KAZN: variants seen among roughly 807,000 people sequenced by gnomAD.
The protein encoded by KAZN is kazrin.
A neutral mutation model predicts 87.4 loss-of-function variants in KAZN; 40 were observed. That is an observed-to-expected ratio of 0.46 (90% confidence interval 0.36 to 0.60). The LOEUF (loss-of-function observed/expected upper bound fraction) is 0.60, where lower values mean the gene tolerates loss of function less well. KAZN is among the 20% of genes least tolerant of loss of function. The pLI, the probability that KAZN is intolerant of heterozygous loss-of-function variation, is 0.00. For missense variants in KAZN, 898 were observed against 1,073.9 expected, an observed-to-expected ratio of 0.84 and a Z score of 2.29; for synonymous variants, 466 against 458.3, an observed-to-expected ratio of 1.02 and a Z score of -0.22.
intron 1 of KAZN, among the ~76,000 whole-genome samples, chr1:14,766,475 C>T (rs571334007): frequency 4.6e-5 from 7 of 151,880 alleles, no homozygotes; most frequent in Non-Finnish European, 1.0e-4. Context: ...GGCTGGCACA[C>T]TGCAGGAAGA....
chr1:14,364,963 G>C (rs1659847272), intron 2 of KAZN, among the ~76,000 whole-genome samples: 1 of 151,486 alleles, frequency 6.6e-6, no homozygotes, highest in African/African-American at 2.4e-5. Flanking sequence ...GGATGGTCTT[G>C]AACTCCTGGC....
chr1:14,598,891 G>A lies in KAZN; in HGVS notation c.-107G>A. On this transcript the variant is annotated 5_prime_UTR_variant, in exon 1 of 15. Coordinates refer to ENST00000376030, the MANE Select transcript of KAZN (RefSeq NM_201628.3). The surrounding 1 kb of genome is among the most constrained non-coding windows in gnomAD (Gnocchi z 4.2). ...GGGGGTCGGGGCGCGGGCGAAGCCG[G>A]GCCGCGGAGGACACAACAGGTAGAG... is the stretch of plus-strand genomic sequence containing the variant. 1 of 1,489,366 alleles carries A rather than the reference G, an allele frequency of 6.7e-7. No homozygotes were observed. Among genetic ancestry groups the A allele is most frequent in the Non-Finnish European group, 8.9e-7 (1 of 1,129,824 alleles). The allele number at this position is 1,489,366 out of a possible 1,614,324, so 92.3% of individuals were successfully genotyped here.
chr1:14,318,420 A>AT (rs1378399024), intron 2 of KAZN, among the ~76,000 whole-genome samples: 2 of 151,824 alleles, frequency 1.3e-5, no homozygotes, highest in Admixed American at 1.3e-4. Flanking sequence ...GATTCTTGTC[A>AT]TTTTTATCTT....
At chr1:14,088,559 T>A (rs1028755446) in intron 1 of KAZN, among the ~76,000 whole-genome samples, 3 of 152,014 alleles carry the variant, frequency 2.0e-5, no homozygotes, top group Non-Finnish European at 4.4e-5. Flanking sequence ...CAGAATACGA[T>A]CTATTTTGGT....
intron 2 of KAZN, among the ~76,000 whole-genome samples, chr1:14,507,452 A>G (rs1670643162): frequency 6.6e-6 from 1 of 152,220 alleles, no homozygotes; most frequent in African/African-American, 2.4e-5. Flanking sequence ...TATGGAAACA[A>G]AAGTTGCCAA....
chr1:14,794,204 C>T (rs1184507267), intron 1 of KAZN, among the ~76,000 whole-genome samples: 1 of 152,164 alleles, frequency 6.6e-6, no homozygotes, highest in African/African-American at 2.4e-5. Flanking sequence ...AGAGGGCACT[C>T]ATTTCATGGA....
At chr1:14,426,932 C>G (rs1431920045) in intron 2 of KAZN, among the ~76,000 whole-genome samples, 1 of 152,180 alleles carries the variant, frequency 6.6e-6, no homozygotes, top group African/African-American at 2.4e-5. Flanking sequence ...ATCACTCACC[C>G]AGCAATTGTG....
chr1:14,110,583 A>G (rs201532775), intron 1 of KAZN, among the ~76,000 whole-genome samples: 8 of 84,064 alleles, frequency 9.5e-5, no homozygotes, highest in Admixed American at 3.4e-4. Context: ...AGGAGGTTTT[A>G]TTTGCATGAC....
chr1:14,490,380 C>T (rs1669580723), intron 2 of KAZN, among the ~76,000 whole-genome samples: 1 of 152,202 alleles, frequency 6.6e-6, no homozygotes, highest in Admixed American at 6.5e-5. Flanking sequence ...CACTCCATCA[C>T]ATTTCTTAAG....
intron 1 of KAZN, among the ~76,000 whole-genome samples, chr1:14,898,347 C>T (rs990669250): frequency 1.3e-5 from 2 of 152,166 alleles, no homozygotes; most frequent in Non-Finnish European, 2.9e-5. Flanking sequence ...AACACTGAGA[C>T]GGTTCTGCTC....
rs533804244 is a variant in KAZN, at chr1:13,902,980, C to T, written c.91+9224C>T. On this transcript the variant is annotated intron_variant, in intron 1 of 16. Transcript: ENST00000636203. Reference sequence around the variant, plus strand: ...GGCCATGGGTGAGTAAGGCTCAGCCCGTGATGGGAACCACAAGGCAAGAAG... The same window carrying T: ...GGCCATGGGTGAGTAAGGCTCAGCCTGTGATGGGAACCACAAGGCAAGAAG... Among the ~76,000 whole-genome samples, 792 of 152,262 alleles carry T rather than the reference C, an allele frequency of 5.2e-3. 9 individuals carry two copies. Among genetic ancestry groups the T allele is most frequent in the African/African-American group, 0.018 (757 of 41,538 alleles).
intron 2 of KAZN, among the ~76,000 whole-genome samples, chr1:14,521,936 A>C (rs1339430632): frequency 6.6e-6 from 1 of 152,178 alleles, no homozygotes; most frequent in Non-Finnish European, 1.5e-5. Flanking sequence ...AGCACATTTC[A>C]GTGAGTACTG....
intron 2 of KAZN, among the ~76,000 whole-genome samples, chr1:14,573,169 A>G (rs948351589): frequency 6.6e-6 from 1 of 152,122 alleles, no homozygotes; most frequent in Admixed American, 6.5e-5. Flanking sequence ...CCTAAACTAC[A>G]CAGTGCTTCC....
intron 2 of KAZN, among the ~76,000 whole-genome samples, chr1:14,380,173 G>GC (rs1661253052): frequency 1.3e-5 from 2 of 152,204 alleles, no homozygotes; most frequent in Non-Finnish European, 2.9e-5. Context: ...GGCTTGGGGT[G>GC]CCCCCTAATG....
intron 2 of KAZN, among the ~76,000 whole-genome samples, chr1:14,206,067 T>C (rs549019127): frequency 6.6e-6 from 1 of 152,220 alleles, no homozygotes; most frequent in African/African-American, 2.4e-5. Flanking sequence ...TAAACATTAC[T>C]GCATGGGCAA....
intron 2 of KAZN, among the ~76,000 whole-genome samples, chr1:14,241,674 C>A (rs1309254448): frequency 6.6e-6 from 1 of 152,152 alleles, no homozygotes; most frequent in Non-Finnish European, 1.5e-5. Flanking sequence ...CCATCCTTCC[C>A]ATTTCACAGA....
Position 14,619,759 on chromosome 1 carries a change from G to A in KAZN, c.226+20536G>A, listed in dbSNP as rs1416437006. Reference sequence around the variant, plus strand: ...CTGTATCTGTGGATTTGTTCATACTGGACATTTTATATAAATAGAATCATG... The same window carrying A: ...CTGTATCTGTGGATTTGTTCATACTAGACATTTTATATAAATAGAATCATG... On this transcript the variant is annotated intron_variant, in intron 1 of 14. Coordinates refer to ENST00000376030, the MANE Select transcript of KAZN (RefSeq NM_201628.3). Among the ~76,000 whole-genome samples, 8 of 152,182 alleles carry A rather than the reference G, an allele frequency of 5.3e-5. No homozygotes were observed. The East Asian group carries it at 1.5e-3, about 29-fold the overall frequency.
intron 1 of KAZN, among the ~76,000 whole-genome samples, chr1:14,777,339 T>C (rs570941601): frequency 4.6e-5 from 7 of 152,140 alleles, no homozygotes; most frequent in Non-Finnish European, 1.0e-4. Flanking sequence ...ATGAAGAAAT[T>C]GAAGCTCTGA....
intron 1 of KAZN, among the ~76,000 whole-genome samples, chr1:14,636,039 A>G (rs1308305912): frequency 1.3e-5 from 2 of 152,232 alleles, no homozygotes; most frequent in Non-Finnish European, 2.9e-5. Flanking sequence ...CCTCCTCCAC[A>G]CTTCAACACC....
Sources: gnomAD v4.1 joint callset for allele counts (sites outside exome capture counted in the v4.1 genomes callset) on GRCh38, gnomAD v4.1.1 for gene constraint, Gnocchi (gnomAD v3.1) non-coding constraint, MANE v1.5 for transcripts, NCBI Gene and HGNC (gene_info 2026-07-23, HGNC 2026-07-21) for gene names.